Variants in HECTD2 observed in about 807,000 individuals in gnomAD.
HECTD2 encodes HECT domain E3 ubiquitin protein ligase 2.
Under a neutral mutation model 103.2 loss-of-function variants are expected in HECTD2, and 35 were observed. The ratio of observed to expected loss-of-function variants is 0.34; its 90% CI spans 0.26 to 0.45. The LOEUF is 0.45. Among genes scored for constraint, HECTD2 ranks in the 20% least tolerant of loss-of-function variants. The pLI, the probability that HECTD2 is intolerant of heterozygous loss-of-function variation, is 1.00. For synonymous variants in HECTD2, 281 were observed against 329.9 expected, an observed-to-expected ratio of 0.85 and a Z score of 1.61; for missense variants, 596 against 937.4, an observed-to-expected ratio of 0.64 and a Z score of 4.76.
At chr10:91,503,586 G>A (rs1251125860) in intron 20 of HECTD2, among the ~76,000 whole-genome samples, 3 of 152,162 alleles carry the variant, frequency 2.0e-5, no homozygotes, top group Non-Finnish European at 2.9e-5. Flanking sequence ...AAAAAACGGT[G>A]CACCACGAGA....
intron 14 of HECTD2, among the ~76,000 whole-genome samples, chr10:91,495,852 C>T (rs1846645827): frequency 6.6e-6 from 1 of 152,062 alleles, no homozygotes; most frequent in Non-Finnish European, 1.5e-5. Context: ...ACTGAATAAA[C>T]CATTGCTGCT....
chr10:91,507,281 T>A (rs1847225785), intron 20 of HECTD2, among the ~76,000 whole-genome samples: 1 of 151,230 alleles, frequency 6.6e-6, no homozygotes. Context: ...CCAGGGCAAT[T>A]AGACAGGAGA....
intron 1 of HECTD2, among the ~76,000 whole-genome samples, chr10:91,419,043 TAGTG>T (rs1843244793): frequency 6.6e-6 from 1 of 152,170 alleles, no homozygotes; most frequent in Admixed American, 6.5e-5. Context: ...AACTCTAAGA[TAGTG>T]AGATACGGCT....
intron 2 of HECTD2, among the ~76,000 whole-genome samples, chr10:91,434,973 G>A (rs13376868): frequency 0.2 from 30,485 of 151,928 alleles, 7,263 homozygotes; most frequent in African/African-American, 0.58. Context: ...GTATGTAGAT[G>A]AGCAGTTTAG....
chr10:91,453,649 A>G (rs1185680628), intron 2 of HECTD2, among the ~76,000 whole-genome samples: 7 of 152,184 alleles, frequency 4.6e-5, no homozygotes, highest in Non-Finnish European at 8.8e-5. Context: ...AGAAATGATA[A>G]GCAGAGAGAG....
intron 2 of HECTD2, among the ~76,000 whole-genome samples, chr10:91,445,465 C>T (rs1179837099): frequency 6.6e-6 from 1 of 152,060 alleles, no homozygotes; most frequent in Non-Finnish European, 1.5e-5. Context: ...AATGAAAAAG[C>T]AGTCTTAGAA....
At chr10:91,425,037 A>G (rs1843502988) in intron 1 of HECTD2, among the ~76,000 whole-genome samples, 1 of 152,226 alleles carries the variant, frequency 6.6e-6, no homozygotes, top group South Asian at 2.1e-4. Context: ...CAGTAAATCT[A>G]TAAGATAGGT....
chr10:91,422,569 A>C (rs1213625555), intron 1 of HECTD2, among the ~76,000 whole-genome samples: 1 of 152,180 alleles, frequency 6.6e-6, no homozygotes, highest in Non-Finnish European at 1.5e-5. Flanking sequence ...ATTCTTATTT[A>C]AGCATCCTAA....
intron 1 of HECTD2, among the ~76,000 whole-genome samples, chr10:91,424,791 T>G (rs1449150666): frequency 6.6e-6 from 1 of 151,964 alleles, no homozygotes; most frequent in East Asian, 1.9e-4. Flanking sequence ...AAACATAAAC[T>G]CTAAAGGGTT....
At chr10:91,460,379 GAA>G (rs1467716369) in intron 2 of HECTD2, 46 bp from the exon 3 acceptor site, 1 of 1,407,714 alleles carries the variant, frequency 7.1e-7, no homozygotes, top group East Asian at 2.4e-5. Flanking sequence ...TTATAATTTT[GAA>G]AAGTTTAATG....
chr10:91,425,373 T>G lies in HECTD2; in HGVS notation c.231T>G (p.Ser77Arg). 1.3e-6 allele frequency: 2 copies of G among 1,579,306 alleles called. No individual in the cohort carries two copies. Among genetic ancestry groups the G allele is most frequent in the Non-Finnish European group, 1.7e-6 (2 of 1,159,034 alleles). The change falls in exon 2 of 21, where the codon AGT becomes AGG. Residue 77 changes from serine to arginine, a missense_variant. Physicochemically the swap from Ser to Arg is moderately radical, Grantham distance 110. This residue lies in a region of HECTD2 where 220 missense variants were observed against 233.9 expected (regional missense o/e 0.94). Coordinates refer to ENST00000298068, the MANE Select transcript of HECTD2 (RefSeq NM_182765.6). Reference protein sequence around the residue: ...SPKKEAAENRSSPAHLVFPNI... With the variant: ...SPKKEAAENRRSPAHLVFPNI... ...AGAAAGAAGCTGCTGAAAACAGAAG[T>G]TCACCTGCACATCTTGTTTTCCCTA... is the stretch of plus-strand genomic sequence containing the variant.
At chr10:91,420,280 C>CAA (rs58296918) in intron 1 of HECTD2, among the ~76,000 whole-genome samples, 4 of 109,916 alleles carry the variant, frequency 3.6e-5, no homozygotes, top group East Asian at 2.6e-4. Flanking sequence ...TTTATGATTA[C>CAA]AAAAAAAAAA....
intron 1 of HECTD2, among the ~76,000 whole-genome samples, chr10:91,414,633 A>G (rs1033607865): frequency 6.6e-6 from 1 of 152,242 alleles, no homozygotes; most frequent in Non-Finnish European, 1.5e-5. Flanking sequence ...CTGTGTGCAG[A>G]ACTGTGAAGA....
intron 2 of HECTD2, among the ~76,000 whole-genome samples, chr10:91,438,734 C>G (rs1218261914): frequency 6.6e-6 from 1 of 152,166 alleles, no homozygotes; most frequent in East Asian, 1.9e-4. Flanking sequence ...TCCTCTCCAG[C>G]ATTTGTTGTT....
intron 1 of HECTD2, among the ~76,000 whole-genome samples, chr10:91,412,816 G>A (rs1345373247): frequency 1.3e-5 from 2 of 151,998 alleles, no homozygotes; most frequent in African/African-American, 4.8e-5. Context: ...AGGAGAACTG[G>A]GGTGGTGATT....
chr10:91,469,427 A>G (rs1231432954), intron 5 of HECTD2, among the ~76,000 whole-genome samples: 3 of 152,254 alleles, frequency 2.0e-5, no homozygotes, highest in Non-Finnish European at 2.9e-5. Flanking sequence ...CCTTCAAGAC[A>G]GAAGAGATTG....
upstream of HECTD2, among the ~76,000 whole-genome samples, chr10:91,409,649 C>T (rs945521385): frequency 6.6e-6 from 1 of 152,186 alleles, no homozygotes; most frequent in Non-Finnish European, 1.5e-5. Flanking sequence ...CTCCTCCCCA[C>T]CTCCAGGCTT....
At chr10:91,508,978 T>C (rs376552931) in intron 20 of HECTD2, among the ~76,000 whole-genome samples, 1 of 151,706 alleles carries the variant, frequency 6.6e-6, no homozygotes, top group Admixed American at 6.6e-5. Flanking sequence ...TTTGTAGGGA[T>C]ATGGATGAAA....
At chr10:91,505,651 T>G (rs1847128014) in intron 20 of HECTD2, among the ~76,000 whole-genome samples, 1 of 150,384 alleles carries the variant, frequency 6.6e-6, no homozygotes, top group African/African-American at 2.5e-5. Flanking sequence ...CAAAGAGACT[T>G]AGACTCCCAC....
Sources: gnomAD v4.1 joint callset for allele counts (sites outside exome capture counted in the v4.1 genomes callset) on GRCh38, gnomAD v4.1.1 for gene constraint, gnomAD v4.1.1 regional missense constraint, MANE v1.5 for transcripts, NCBI Gene and HGNC (gene_info 2026-07-23, HGNC 2026-07-21) for gene names.